The following TMEM131 variants were observed in gnomAD, a reference collection of about 807,000 sequenced individuals.
TMEM131 encodes the protein transmembrane protein 131.
In TMEM131, 66 loss-of-function variants were observed where a neutral mutation model predicts 211.6. The observed-to-expected ratio is 0.31, with a 90% CI of 0.26 to 0.38. The LOEUF (loss-of-function observed/expected upper bound fraction) is 0.38, where lower values mean the gene tolerates loss of function less well. Among genes scored for constraint, TMEM131 ranks in the 10% least tolerant of loss-of-function variants. The pLI, the probability that TMEM131 is intolerant of heterozygous loss-of-function variation, is 1.00. For synonymous variants in TMEM131, 844 were observed against 841.3 expected (o/e 1.00, Z -0.06); for missense variants, 2,036 against 2,299.3 (o/e 0.89, Z 2.34).
chr2:97,930,880 A>G (rs2104454529), intron 1 of TMEM131, among the ~76,000 whole-genome samples: 1 of 151,924 alleles, frequency 6.6e-6, no homozygotes, highest in African/African-American at 2.4e-5. Flanking sequence ...TAATTGAAAT[A>G]AAAATAAACT....
At chr2:97,902,323 C>G (rs994592187) in intron 3 of TMEM131, among the ~76,000 whole-genome samples, 2 of 152,168 alleles carry the variant, frequency 1.3e-5, no homozygotes, top group African/African-American at 4.8e-5. Flanking sequence ...ATGGCTGTAA[C>G]AGTTAACAAT....
chr2:97,893,800 G>A (rs1457751618), intron 3 of TMEM131, among the ~76,000 whole-genome samples: 1 of 151,972 alleles, frequency 6.6e-6, no homozygotes, highest in Non-Finnish European at 1.5e-5. Context: ...CAGATAGATT[G>A]CAAGAATTTT....
chr2:97,856,365 G>A (rs1377447158), intron 5 of TMEM131, among the ~76,000 whole-genome samples: 1 of 151,910 alleles, frequency 6.6e-6, no homozygotes, highest in Non-Finnish European at 1.5e-5. Flanking sequence ...ACCATACCCC[G>A]TACCTCTCTT....
intron 4 of TMEM131, among the ~76,000 whole-genome samples, chr2:97,876,424 A>G (rs141392523): frequency 4.2e-4 from 64 of 152,346 alleles, no homozygotes; most frequent in African/African-American, 1.4e-3. Context: ...TCAGGCCAAT[A>G]TCCCTGATGA....
rs558551411 is a variant in TMEM131 at position 97,948,398 on chromosome 2, G to A, written c.188-20911C>T. The stretch of plus-strand genomic sequence containing the variant: ...AAAAAATGCAAAAAAGATGTGAACA[G>A]ACATTTAAGCAAAGACAACATGAAT... On this transcript the variant is annotated intron_variant, in intron 1 of 40. Transcript: ENST00000186436. Among the ~76,000 whole-genome samples, 3 of 152,102 alleles carry A rather than the reference G, an allele frequency of 2.0e-5. No homozygotes were observed. In the East Asian group the frequency reaches 5.8e-4, roughly 30 times the overall value.
chr2:97,946,437 T>C (rs1199377954), intron 1 of TMEM131, among the ~76,000 whole-genome samples: 1 of 151,974 alleles, frequency 6.6e-6, no homozygotes, highest in Non-Finnish European at 1.5e-5. Context: ...GACTATACTT[T>C]CTATAAACAT....
chr2:97,963,093 C>G (rs574391927), intron 1 of TMEM131, among the ~76,000 whole-genome samples: 2 of 152,294 alleles, frequency 1.3e-5, no homozygotes, highest in African/African-American at 4.8e-5. Context: ...GCCATTTTCA[C>G]AACTGTATGT....
intron 4 of TMEM131, among the ~76,000 whole-genome samples, chr2:97,867,175 T>G (rs1379597058): frequency 6.6e-6 from 1 of 152,246 alleles, no homozygotes; most frequent in Non-Finnish European, 1.5e-5. Context: ...TTGAGCATGG[T>G]GTTCTACAGA....
chr2:97,819,685 G>A (rs1008658274), intron 11 of TMEM131, among the ~76,000 whole-genome samples: 4 of 152,132 alleles, frequency 2.6e-5, no homozygotes, highest in Non-Finnish European at 5.9e-5. Context: ...CTGAACCCTC[G>A]TGGGTTGTAT....
chr2:97,828,440 A>G (rs1682503156), intron 11 of TMEM131, among the ~76,000 whole-genome samples: 1 of 152,198 alleles, frequency 6.6e-6, no homozygotes, highest in Non-Finnish European at 1.5e-5. Flanking sequence ...GTGTCTCAGC[A>G]CAGGGCCATA....
chr2:97,770,622 G>C (rs552087017), intron 33 of TMEM131, among the ~76,000 whole-genome samples: 56 of 152,126 alleles, frequency 3.7e-4, no homozygotes, highest in Non-Finnish European at 1.8e-4. Context: ...TTTGCTGATG[G>C]TCAACTTGTA....
Position 97,995,552 on chromosome 2 carries a change from G to A in TMEM131, c.111C>T (p.Ser37=), listed in dbSNP as rs1202306438. 8.3e-6 allele frequency: 11 copies of A among 1,329,784 alleles called. No individual in the cohort carries two copies. The highest frequency in any genetic ancestry group is 2.0e-5 in the South Asian group (1 of 50,040). 82.4% of individuals were successfully genotyped at this position (1,329,784 alleles called of 1,614,324 possible). The change falls in exon 1 of 41, where the codon AGC becomes AGT. Residue 37 remains serine (S), a synonymous_variant. Transcript: ENST00000186436. ...GCGCGCCTAGGAGGCCGGCGGCCGCGCTCCGCGGGCCCCCGCTACGGGCGG... is the reference window on the plus strand; with the variant it reads ...GCGCGCCTAGGAGGCCGGCGGCCGCACTCCGCGGGCCCCCGCTACGGGCGG... ...PAAARSGGPR[S]AAAGLLGALH...
At chr2:97,888,582 T>C (rs72942862) in intron 3 of TMEM131, among the ~76,000 whole-genome samples, 3,748 of 152,310 alleles carry the variant, frequency 0.025, 165 homozygotes, top group African/African-American at 0.086. Flanking sequence ...TTCCAAGAAT[T>C]GAAATATCTA....
chr2:97,820,669 C>T (rs1682071728), intron 11 of TMEM131, among the ~76,000 whole-genome samples: 1 of 152,026 alleles, frequency 6.6e-6, no homozygotes, highest in Admixed American at 6.6e-5. Context: ...CCAGCCTGGA[C>T]AAGATGGTGA....
At chr2:97,908,070 G>GA (rs1356905749) in intron 3 of TMEM131, among the ~76,000 whole-genome samples, 1 of 152,296 alleles carries the variant, frequency 6.6e-6, no homozygotes, top group Non-Finnish European at 1.5e-5. Context: ...TATAGAAAGA[G>GA]AATCAGCACA....
chr2:97,966,228 A>G (rs758699709), intron 1 of TMEM131, among the ~76,000 whole-genome samples: 2 of 151,958 alleles, frequency 1.3e-5, no homozygotes, highest in Non-Finnish European at 2.9e-5. Flanking sequence ...TCACTGCAAC[A>G]TAACTTAGCA....
At chr2:97,760,754 G>A in intron 37 of TMEM131, 39 bp downstream of exon 37, 1 of 1,613,780 alleles carries the variant, frequency 6.2e-7, no homozygotes, top group Non-Finnish European at 8.5e-7. Context: ...ACCAGGCCTG[G>A]CGCCTGGCGT....
At chr2:97,795,221 G>A (rs1213646641) in intron 28 of TMEM131, 106 bp from the exon 29 acceptor site, 36 of 755,752 alleles carry the variant, frequency 4.8e-5, no homozygotes, top group South Asian at 1.3e-4. Context: ...CAGAATTTGC[G>A]TTTGATACTT....
At chr2:97,901,441 T>C (rs1404591356) in intron 3 of TMEM131, among the ~76,000 whole-genome samples, 1 of 152,108 alleles carries the variant, frequency 6.6e-6, no homozygotes, top group Admixed American at 6.6e-5. Context: ...TGGCTATTTA[T>C]CCAAAGGGAA....
Sources: allele counts gnomAD v4.1 joint callset (sites outside exome capture counted in the v4.1 genomes callset), GRCh38; gene constraint gnomAD v4.1.1; transcripts MANE v1.5; gene names NCBI Gene and HGNC (gene_info 2026-07-23, HGNC 2026-07-21).